Variants in TRAPPC9 observed in about 807,000 individuals in gnomAD.
TRAPPC9 encodes IKK2 binding protein.
Under a neutral mutation model 124.0 loss-of-function variants are expected in TRAPPC9, and 83 were observed. The ratio of observed to expected loss-of-function variants is 0.67; its 90% CI spans 0.56 to 0.80. TRAPPC9 has a LOEUF of 0.80. Ranked by LOEUF, TRAPPC9 falls within the 30% of genes least tolerant of loss-of-function variation. The pLI is 0.00. For synonymous variants in TRAPPC9, 638 were observed against 617.5 expected, an observed-to-expected ratio of 1.03 and a Z score of -0.49; for missense variants, 1,302 against 1,508.3, an observed-to-expected ratio of 0.86 and a Z score of 2.27.
intron 5 of TRAPPC9, among the ~76,000 whole-genome samples, chr8:140,425,638 T>C (rs2070396358): frequency 6.6e-6 from 1 of 152,124 alleles, no homozygotes; most frequent in South Asian, 2.1e-4. Flanking sequence ...CAGTATTTTA[T>C]AGCAGGCATA....
intron 21 of TRAPPC9, among the ~76,000 whole-genome samples, chr8:139,817,702 G>A (rs1184662768): frequency 3.3e-5 from 5 of 152,238 alleles, no homozygotes; most frequent in Non-Finnish European, 5.9e-5. Context: ...TCCTTTGCAA[G>A]GGTCCTAATG....
chr8:139,992,156 T>C (rs1837690495), intron 18 of TRAPPC9, among the ~76,000 whole-genome samples: 1 of 152,180 alleles, frequency 6.6e-6, no homozygotes, highest in Admixed American at 6.5e-5. Flanking sequence ...AGACAAACTT[T>C]TTGAGAAAAT....
intron 7 of TRAPPC9, among the ~76,000 whole-genome samples, chr8:140,379,200 C>T (rs1338851533): frequency 6.6e-6 from 1 of 151,990 alleles, no homozygotes; most frequent in Non-Finnish European, 1.5e-5. Flanking sequence ...ACCAGGGCAG[C>T]CTGGTGCTGG....
intron 16 of TRAPPC9, among the ~76,000 whole-genome samples, chr8:140,227,384 T>G (rs1046177076): frequency 2.0e-5 from 3 of 152,124 alleles, no homozygotes; most frequent in Non-Finnish European, 2.9e-5. Flanking sequence ...TACAAACAGA[T>G]GAAGGCGGCC....
chr8:139,882,390 T>C (rs1371055066), intron 21 of TRAPPC9, among the ~76,000 whole-genome samples: 1 of 152,110 alleles, frequency 6.6e-6, no homozygotes, highest in Non-Finnish European at 1.5e-5. Flanking sequence ...ACCAAAAGCC[T>C]CTACTACACC....
chr8:139,910,784 G>GC (rs34185369), intron 19 of TRAPPC9, among the ~76,000 whole-genome samples: 2 of 151,930 alleles, frequency 1.3e-5, no homozygotes, highest in Non-Finnish European at 1.5e-5. Flanking sequence ...CCCTCCCACA[G>GC]CCCCCCCTCA....
intron 21 of TRAPPC9, among the ~76,000 whole-genome samples, chr8:139,822,752 G>A (rs577599619): frequency 6.6e-6 from 1 of 152,350 alleles, no homozygotes; most frequent in South Asian, 2.1e-4. Context: ...TCAGACACCA[G>A]GACCATGGCT....
chr8:139,734,700 A>C (rs1285495718), intron 21 of TRAPPC9, among the ~76,000 whole-genome samples: 1 of 152,170 alleles, frequency 6.6e-6, no homozygotes, highest in African/African-American at 2.4e-5. Context: ...GATGAGCATG[A>C]CCCACTGTTG....
At chr8:140,404,864 G>T (rs1057101913) in intron 6 of TRAPPC9, among the ~76,000 whole-genome samples, 1 of 151,942 alleles carries the variant, frequency 6.6e-6, no homozygotes, top group Non-Finnish European at 1.5e-5. Flanking sequence ...GTGCGGGTGT[G>T]AGCATGCGCG....
chr8:140,120,318 G>T (rs1175767536), intron 17 of TRAPPC9, among the ~76,000 whole-genome samples: 1 of 152,222 alleles, frequency 6.6e-6, no homozygotes, highest in Admixed American at 6.5e-5. Context: ...CTGAAATGAT[G>T]AATGAGGCGG....
In TRAPPC9 at chr8:140,001,383, T is replaced by TATA. The variant is rs35540594; in HGVS notation, c.2700-12550_2700-12548dup. ...TGCACATGTACTCTAGAACTTAAAG[T>TATA]ATAATAATAATAATAATAATAAAAA... On this transcript the variant is annotated intron_variant, in intron 18 of 22. Transcript: ENST00000438773. Among the ~76,000 whole-genome samples, 525 of 150,670 alleles carry TATA rather than the reference T, an allele frequency of 3.5e-3. 4 individuals carry two copies. The East Asian group carries it at 0.048, about 14-fold the overall frequency.
At position 139,991,664 on chromosome 8, in the gene TRAPPC9, A is replaced by C. The variant is rs375604210; in HGVS notation, c.2700-2828T>G. ...AAGCTTCCTGGAAGAGCTGAGACCA[A>C]GGCGAGTCTCTGAAGGGGACAGACA... On this transcript the variant is annotated intron_variant, in intron 18 of 22. Transcript: ENST00000438773. Among the ~76,000 whole-genome samples the C allele has an allele frequency of 2.2e-3, 341 of 152,056 alleles. 1 individual carries two copies. The highest frequency in any genetic ancestry group is 7.4e-3 in the African/African-American group (306 of 41,490).
At chr8:139,932,876 G>A (rs1833277207) in intron 19 of TRAPPC9, 5 of 246,420 alleles carry the variant, frequency 2.0e-5, no homozygotes, top group South Asian at 2.0e-4. Context: ...TGACATTTAG[G>A]AATAGTCTGT....
chr8:139,787,492 C>A (rs1822345189), intron 21 of TRAPPC9, among the ~76,000 whole-genome samples: 1 of 152,164 alleles, frequency 6.6e-6, no homozygotes, highest in Admixed American at 6.5e-5. Context: ...GGGAACCGGG[C>A]CTGCCTGGCT....
rs77562106 is a variant in TRAPPC9 at position 139,733,864 on chromosome 8, C to T, written c.3056-1662G>A. Among the ~76,000 whole-genome samples the T allele has an allele frequency of 8.4e-3, 1,279 of 152,336 alleles. 13 individuals carry two copies. Among genetic ancestry groups the T allele is most frequent in the African/African-American group, 0.029 (1,188 of 41,576 alleles). ...AGGGCCCTGTGGGGTGTCCTCACTG[C>T]AGCCTGGAGAGGAAGGTCCTCTAAG... is the stretch of plus-strand genomic sequence containing the variant. On this transcript the variant is annotated intron_variant, in intron 21 of 22. Coordinates refer to ENST00000438773, the MANE Select transcript of TRAPPC9 (RefSeq NM_001160372.4).
At chr8:140,235,965 A>G (rs2063719966) in intron 16 of TRAPPC9, among the ~76,000 whole-genome samples, 2 of 152,212 alleles carry the variant, frequency 1.3e-5, no homozygotes, top group African/African-American at 4.8e-5. Flanking sequence ...AGGAAGAAGG[A>G]AAAAAACAAG....
At chr8:140,414,543 G>T (rs531191531) in intron 5 of TRAPPC9, among the ~76,000 whole-genome samples, 1 of 151,670 alleles carries the variant, frequency 6.6e-6, no homozygotes, top group South Asian at 2.1e-4. Flanking sequence ...CAAAATAAAT[G>T]AATAAATAAA....
chr8:140,190,804 T>C (rs2062473380), intron 17 of TRAPPC9, among the ~76,000 whole-genome samples: 1 of 152,234 alleles, frequency 6.6e-6, no homozygotes, highest in African/African-American at 2.4e-5. Context: ...GTGCCAAGTT[T>C]CATTGCCCAG....
At chr8:140,136,682 A>T (rs2061310042) in intron 17 of TRAPPC9, among the ~76,000 whole-genome samples, 1 of 152,164 alleles carries the variant, frequency 6.6e-6, no homozygotes. Flanking sequence ...TACTAAAAAT[A>T]CAAAAAGTAG....
Sources: gnomAD v4.1 joint callset for allele counts (sites outside exome capture counted in the v4.1 genomes callset) on GRCh38, gnomAD v4.1.1 for gene constraint, MANE v1.5 for transcripts, NCBI Gene and HGNC (gene_info 2026-07-23, HGNC 2026-07-21) for gene names.